Variants in FUBP3 observed in about 807,000 individuals in gnomAD.
FUBP3 encodes the protein far upstream element-binding protein 3.
FUBP3 carries 28 observed loss-of-function variants against 85.6 expected under a neutral mutation model. That is an observed-to-expected ratio of 0.33 (90% confidence interval 0.24 to 0.45). The LOEUF (loss-of-function observed/expected upper bound fraction) is 0.45. Ranked by LOEUF, FUBP3 falls within the 20% of genes least tolerant of loss-of-function variation. FUBP3 has a pLI of 1.00. For missense variants in FUBP3, 583 were observed against 755.1 expected, an observed-to-expected ratio of 0.77 and a Z score of 2.67; for synonymous variants, 271 against 271.4, an observed-to-expected ratio of 1.00 and a Z score of 0.01.
At chr9:130,628,094 G>GCGCA (rs1280537209) in intron 12 of FUBP3, among the ~76,000 whole-genome samples, 7,739 of 119,134 alleles carry the variant, frequency 0.065, 514 homozygotes, top group African/African-American at 0.2. Context: ...ACGCACGCAC[G>GCGCA]CACGCACGCG....
intron 6 of FUBP3, among the ~76,000 whole-genome samples, chr9:130,615,645 C>T (rs1310613154): frequency 6.6e-6 from 1 of 152,220 alleles, no homozygotes; most frequent in Non-Finnish European, 1.5e-5. Flanking sequence ...CAGTTGCCCT[C>T]TCCCGCTGCC....
intron 1 of FUBP3, among the ~76,000 whole-genome samples, chr9:130,580,467 T>TA (rs1372815416): frequency 2.0e-5 from 3 of 152,194 alleles, no homozygotes; most frequent in African/African-American, 7.2e-5. Flanking sequence ...CAAAAATACT[T>TA]ACTGGCTTCT....
intron 1 of FUBP3, among the ~76,000 whole-genome samples, chr9:130,587,392 T>A (rs1318876680): frequency 6.6e-6 from 1 of 151,934 alleles, no homozygotes; most frequent in African/African-American, 2.4e-5. Context: ...CACTGGAGGA[T>A]TGTTGGTGGA....
intron 2 of FUBP3, among the ~76,000 whole-genome samples, chr9:130,602,942 T>C (rs888801699): frequency 6.6e-6 from 1 of 152,124 alleles, no homozygotes; most frequent in Non-Finnish European, 1.5e-5. Flanking sequence ...TCCCCACTTT[T>C]GGTGTACAGT....
intron 1 of FUBP3, among the ~76,000 whole-genome samples, chr9:130,587,077 T>G (rs74359699): frequency 0.069 from 10,059 of 146,354 alleles, 494 homozygotes; most frequent in African/African-American, 0.13. Context: ...TGTTTGTTTG[T>G]TTTTTTGAGA....
chr9:130,613,048 G>C (rs773928946), intron 5 of FUBP3, 21 bp downstream of exon 5: 1 of 1,497,092 alleles, frequency 6.7e-7, no homozygotes, highest in East Asian at 2.3e-5. Flanking sequence ...TTTAAAAATA[G>C]ATATCAATTT....
chr9:130,615,713 A>G (rs1831969720), intron 6 of FUBP3, among the ~76,000 whole-genome samples: 1 of 152,232 alleles, frequency 6.6e-6, no homozygotes, highest in South Asian at 2.1e-4. Context: ...CTTGGCTGCC[A>G]TGGAAAGCCC....
chr9:130,582,921 T>G (rs890263570), intron 1 of FUBP3, among the ~76,000 whole-genome samples: 1 of 152,208 alleles, frequency 6.6e-6, no homozygotes, highest in African/African-American at 2.4e-5. Context: ...GAAATTGTTC[T>G]CCGAGAAACT....
At position 130,616,552 on chromosome 9, in the gene FUBP3, C is replaced by T; in HGVS notation, c.567+35C>T. ...CCCGGAGCACGGAGCACAGCGGCCGCTCGCAGCAGGTCTTCAGCTTCCTGG... is the reference window on the plus strand; with the variant it reads ...CCCGGAGCACGGAGCACAGCGGCCGTTCGCAGCAGGTCTTCAGCTTCCTGG... On this transcript the variant is annotated intron_variant, in intron 7 of 18. Transcript: ENST00000319725. The surrounding 1 kb of genome is among the most constrained non-coding windows in gnomAD (Gnocchi z 4.7). The T allele has an allele frequency of 6.2e-7, 1 of 1,605,614 alleles. No homozygotes were observed. The highest frequency in any genetic ancestry group is 2.2e-5 in the East Asian group (1 of 44,834).
At chr9:130,605,359 G>T (rs550107064) in intron 2 of FUBP3, among the ~76,000 whole-genome samples, 1 of 152,222 alleles carries the variant, frequency 6.6e-6, no homozygotes, top group Non-Finnish European at 1.5e-5. Flanking sequence ...TGACTTGTGA[G>T]ATGAAGAATG....
intron 2 of FUBP3, among the ~76,000 whole-genome samples, chr9:130,603,830 C>CG (rs1235895111): frequency 3.9e-5 from 6 of 152,130 alleles, no homozygotes; most frequent in Non-Finnish European, 8.8e-5. Flanking sequence ...GAACCTCTCT[C>CG]GAATACAGTT....
At chr9:130,582,466 AAAAGAAAAAG>A (rs1400240214) in intron 1 of FUBP3, among the ~76,000 whole-genome samples, 1 of 152,064 alleles carries the variant, frequency 6.6e-6, no homozygotes, top group Non-Finnish European at 1.5e-5. Flanking sequence ...AAAAAAAAGA[AAAAGAAAAAG>A]AAAGAAATGT....
In FUBP3 at chr9:130,637,658, GA is replaced by G. The variant is rs1009845270; in HGVS notation, c.*639del. ...AGGGTTTGTATAATTTCTAGAGTTCGAAAGGGGTAATATAAAAATGTGCTCG... is the reference window on the plus strand; with the variant it reads ...AGGGTTTGTATAATTTCTAGAGTTCGAAGGGGTAATATAAAAATGTGCTCG... On this transcript the variant is annotated 3_prime_UTR_variant, in exon 19 of 19. Transcript: ENST00000319725. 2 of 152,420 alleles carry G rather than the reference GA, an allele frequency of 1.3e-5. No homozygotes were observed. The highest frequency in any genetic ancestry group is 4.8e-5 in the African/African-American group (2 of 41,408). The allele number at this position is 152,420 out of a possible 1,614,324, so 9.4% of individuals were successfully genotyped here.
intron 2 of FUBP3, among the ~76,000 whole-genome samples, chr9:130,598,247 G>A (rs910710615): frequency 1.7e-4 from 26 of 152,210 alleles, no homozygotes; most frequent in African/African-American, 3.9e-4. Flanking sequence ...AAATGCTAGA[G>A]GGTTTCATTT....
rs1011228433 is a variant in FUBP3 at position 130,635,968 on chromosome 9, G to A, written c.1583-31G>A. The A allele has an allele frequency of 4.3e-6, 7 of 1,609,386 alleles. No homozygotes were observed. The highest frequency in any genetic ancestry group is 3.3e-5 in the Admixed American group (2 of 59,874). ...TCCTGCCCAGTGCACCTCCGCTCCC[G>A]ATAACCTGTGTTTCCTCCTTTGTCA... On this transcript the variant is annotated intron_variant, in intron 17 of 18. Transcript: ENST00000319725. This position sits in a 1 kb window ranked among gnomAD's most constrained non-coding sequence, Gnocchi z 4.3.
intron 1 of FUBP3, among the ~76,000 whole-genome samples, chr9:130,594,499 C>G (rs1830766791): frequency 6.6e-6 from 1 of 152,060 alleles, no homozygotes; most frequent in East Asian, 1.9e-4. Context: ...AGGAGAATCG[C>G]TTGAACCCAG....
At chr9:130,605,302 T>G (rs1831365216) in intron 2 of FUBP3, among the ~76,000 whole-genome samples, 1 of 152,234 alleles carries the variant, frequency 6.6e-6, no homozygotes, top group South Asian at 2.1e-4. Context: ...CTTTGTTGAC[T>G]GTTGTATCCT....
intron 3 of FUBP3, 130 bp downstream of exon 3, chr9:130,610,117 C>G (rs1831664617): frequency 2.7e-6 from 2 of 737,196 alleles, no homozygotes; most frequent in African/African-American, 3.5e-5. Flanking sequence ...TTCTTTAAGA[C>G]TCGAGTTTTT....
intron 8 of FUBP3, among the ~76,000 whole-genome samples, chr9:130,618,518 G>A (rs537087512): frequency 1.2e-4 from 19 of 152,370 alleles, no homozygotes; most frequent in Admixed American, 5.9e-4. Context: ...AAGGGACTTG[G>A]TTTTCTATCC....
Sources: allele counts gnomAD v4.1 joint callset (sites outside exome capture counted in the v4.1 genomes callset), GRCh38; gene constraint gnomAD v4.1.1; non-coding constraint Gnocchi (gnomAD v3.1); transcripts MANE v1.5; gene names NCBI Gene and HGNC (gene_info 2026-07-23, HGNC 2026-07-21).